Variants in GRM1 observed in about 807,000 individuals in gnomAD.
GRM1 encodes the protein glutamate metabotropic receptor 1.
Under a neutral mutation model 90.9 loss-of-function variants are expected in GRM1, and 33 were observed. The observed-to-expected ratio is 0.36, with a 90% confidence interval of 0.28 to 0.49. The LOEUF is 0.49. GRM1 is among the 20% of genes least tolerant of loss of function. The pLI, the probability that GRM1 is intolerant of heterozygous loss-of-function variation, is 0.99. For missense variants in GRM1, 1,190 were observed against 1,534.3 expected (o/e 0.78, Z 3.75); for synonymous variants, 700 against 613.2 (o/e 1.14, Z -2.09).
Position 146,399,045 on chromosome 6 carries a change from C to T in GRM1, c.2006C>T (p.Ala669Val), listed in dbSNP as rs776187845. The stretch of plus-strand genomic sequence containing the variant: ...CGCCTCTTGGTTGGCCTCTCCTCTG[C>T]GATGTGCTACTCTGCTTTAGTGACT... ...LQRLLVGLSS[A>V]MCYSALVTKT... is the part of the protein sequence containing the mutation. Residue 669 changes from alanine (A) to valine (V), a missense_variant, in exon 7 of 8, where the codon GCG becomes GTG. Physicochemically the swap from Ala to Val is moderately conservative, Grantham distance 64. Coordinates refer to ENST00000282753, the MANE Select transcript of GRM1 (RefSeq NM_001278064.2). This position sits in a 1 kb window ranked among gnomAD's most constrained non-coding sequence, Gnocchi z 5.4. 4.3e-6 allele frequency: 7 copies of T among 1,613,964 alleles called. No individual in the cohort carries two copies. The highest frequency in any genetic ancestry group is 3.4e-6 in the Non-Finnish European group (4 of 1,180,022).
intron 1 of GRM1, among the ~76,000 whole-genome samples, chr6:146,140,090 A>ATTCTTTCT (rs766023029): frequency 0.2 from 11,450 of 57,696 alleles, 1,651 homozygotes; most frequent in African/African-American, 0.21. Context: ...TTCTTTCTTT[A>ATTCTTTCT]TTCTTTCTTT....
rs571819373 is a variant in GRM1, at chr6:146,197,024, G to A, written c.950+37427G>A. On this transcript the variant is annotated intron_variant, in intron 2 of 7. Coordinates refer to ENST00000282753, the MANE Select transcript of GRM1 (RefSeq NM_001278064.2). ...ACCCATAAGAAGTTGTCTAATAATA[G>A]AAAATGATAAATAAGTAGGCAAGCT... Among the ~76,000 whole-genome samples the A allele has an allele frequency of 5.3e-5, 8 of 152,306 alleles. No individual in the cohort carries two copies. The South Asian group carries it at 1.7e-3, about 32-fold the overall frequency.
intron 1 of GRM1, among the ~76,000 whole-genome samples, chr6:146,074,923 C>T (rs78735642): frequency 4.6e-5 from 7 of 152,258 alleles, no homozygotes; most frequent in South Asian, 2.1e-4. Flanking sequence ...AGTGAAATAC[C>T]GTTATGCTGC....
chr6:146,100,591 T>C (rs571224497), intron 1 of GRM1, among the ~76,000 whole-genome samples: 1 of 152,302 alleles, frequency 6.6e-6, no homozygotes, highest in East Asian at 1.9e-4. Flanking sequence ...TAAAATATAT[T>C]TCTTTGGTCT....
intron 2 of GRM1, among the ~76,000 whole-genome samples, chr6:146,191,499 A>G (rs1346463043): frequency 6.6e-6 from 1 of 152,190 alleles, no homozygotes; most frequent in Non-Finnish European, 1.5e-5. Context: ...CTTAAGTATT[A>G]AAAGTGGATT....
chr6:146,277,807 T>C (rs1782428502), intron 2 of GRM1, among the ~76,000 whole-genome samples: 1 of 152,192 alleles, frequency 6.6e-6, no homozygotes, highest in African/African-American at 2.4e-5. Context: ...CCCCAAAGTA[T>C]GGTTCAAGAC....
chr6:146,333,426 A>G (rs1004437306), intron 3 of GRM1, among the ~76,000 whole-genome samples: 1 of 152,124 alleles, frequency 6.6e-6, no homozygotes, highest in Non-Finnish European at 1.5e-5. Flanking sequence ...ACACATTATT[A>G]CTGTAAGATT....
Position 146,264,308 on chromosome 6 carries a change from G to C in GRM1, c.951-40303G>C, listed in dbSNP as rs1235762142. 2.0e-5 allele frequency among the ~76,000 whole-genome samples: 3 copies of C among 151,906 alleles called. 1 individual carries two copies. The highest frequency in any genetic ancestry group is 1.3e-4 in the Admixed American group (2 of 15,252). ...CCAATTTAGTTATAGATATGAAAAT[G>C]GTATACTGTATTGCTCACATGATAG... On this transcript the variant is annotated intron_variant, in intron 2 of 7. Transcript: ENST00000282753.
chr6:146,044,732 T>C (rs1046248815), intron 1 of GRM1, among the ~76,000 whole-genome samples: 1 of 151,960 alleles, frequency 6.6e-6, no homozygotes, highest in Admixed American at 6.6e-5. Flanking sequence ...GTATGAAATA[T>C]CTTTGATATG....
intron 2 of GRM1, among the ~76,000 whole-genome samples, chr6:146,186,268 A>G: frequency 6.6e-6 from 1 of 151,968 alleles, no homozygotes; most frequent in Non-Finnish European, 1.5e-5. Flanking sequence ...GTGAGCCACC[A>G]CACCTGGCCT....
At chr6:146,272,756 A>G (rs1415583758) in intron 2 of GRM1, among the ~76,000 whole-genome samples, 2 of 152,144 alleles carry the variant, frequency 1.3e-5, no homozygotes, top group Non-Finnish European at 2.9e-5. Context: ...AGAATAGATA[A>G]TTTTTTTAAG....
At chr6:146,375,291 T>G (rs533004254) in intron 5 of GRM1, among the ~76,000 whole-genome samples, 4 of 152,024 alleles carry the variant, frequency 2.6e-5, no homozygotes, top group Non-Finnish European at 5.9e-5. Flanking sequence ...TGTGACATAA[T>G]GTATGATCTA....
chr6:146,231,029 A>C (rs1192807925), intron 2 of GRM1, among the ~76,000 whole-genome samples: 1 of 152,152 alleles, frequency 6.6e-6, no homozygotes, highest in South Asian at 2.1e-4. Flanking sequence ...CAGGAAGAAC[A>C]TGGAGGATTC....
intron 4 of GRM1, among the ~76,000 whole-genome samples, chr6:146,357,034 A>T (rs1785610363): frequency 6.6e-6 from 1 of 152,220 alleles, no homozygotes; most frequent in Non-Finnish European, 1.5e-5. Context: ...CATCCTTAGT[A>T]ATTAAAGATG....
At chr6:146,404,104 C>G (rs1777250378) in intron 7 of GRM1, among the ~76,000 whole-genome samples, 1 of 152,040 alleles carries the variant, frequency 6.6e-6, no homozygotes, top group Non-Finnish European at 1.5e-5. Flanking sequence ...TTATTTTTCT[C>G]TTAATCACAC....
chr6:146,230,988 G>C (rs1325494475), intron 2 of GRM1, among the ~76,000 whole-genome samples: 2 of 152,102 alleles, frequency 1.3e-5, no homozygotes, highest in African/African-American at 4.8e-5. Context: ...AGATGAGTGG[G>C]TACCAAGGGT....
At chr6:146,034,753 C>G (rs772104043) in intron 1 of GRM1, among the ~76,000 whole-genome samples, 8 of 151,962 alleles carry the variant, frequency 5.3e-5, no homozygotes, top group Admixed American at 2.0e-4. Context: ...TTATGAATTT[C>G]TTCTATACAG....
intron 2 of GRM1, among the ~76,000 whole-genome samples, chr6:146,255,002 A>G (rs1489347426): frequency 6.6e-6 from 1 of 152,226 alleles, no homozygotes; most frequent in East Asian, 1.9e-4. Flanking sequence ...TGGCATATAA[A>G]TAAAAACGGT....
intron 7 of GRM1, among the ~76,000 whole-genome samples, chr6:146,401,183 T>C (rs1175778305): frequency 1.3e-5 from 2 of 152,164 alleles, no homozygotes; most frequent in Non-Finnish European, 2.9e-5. Context: ...TTGAAATCCA[T>C]TTTATGGATT....
Sources: gnomAD v4.1 joint callset for allele counts (sites outside exome capture counted in the v4.1 genomes callset) on GRCh38, gnomAD v4.1.1 for gene constraint, Gnocchi (gnomAD v3.1) non-coding constraint, MANE v1.5 for transcripts, NCBI Gene and HGNC (gene_info 2026-07-23, HGNC 2026-07-21) for gene names.